Variants in MARCHF1 observed in about 807,000 individuals in gnomAD.
MARCHF1 encodes the protein E3 ubiquitin-protein ligase MARCHF1.
Under a neutral mutation model 54.2 loss-of-function variants are expected in MARCHF1, and 40 were observed. The observed-to-expected ratio is 0.74, with a 90% CI of 0.57 to 0.96. The LOEUF (loss-of-function observed/expected upper bound fraction) is 0.96, where lower values mean the gene tolerates loss of function less well. Ranked by LOEUF, MARCHF1 falls within the 40% of genes least tolerant of loss-of-function variation. MARCHF1 has a pLI of 0.00. For missense variants in MARCHF1, 586 were observed against 656.5 expected (o/e 0.89, Z 1.17); for synonymous variants, 236 against 236.3 (o/e 1.00, Z 0.01).
At chr4:163,719,553 G>A (rs1395878690) in intron 4 of MARCHF1, among the ~76,000 whole-genome samples, 3 of 152,100 alleles carry the variant, frequency 2.0e-5, no homozygotes, top group Admixed American at 6.5e-5. Context: ...CGCAGTAATG[G>A]GATGGCTGGG....
chr4:163,547,083 C>T (rs1379577707), intron 8 of MARCHF1, among the ~76,000 whole-genome samples: 1 of 152,196 alleles, frequency 6.6e-6, no homozygotes, highest in African/African-American at 2.4e-5. Context: ...CCTTCCCCAC[C>T]TGACCATCCC....
At chr4:163,732,963 C>T (rs1745889801) in intron 4 of MARCHF1, among the ~76,000 whole-genome samples, 1 of 151,186 alleles carries the variant, frequency 6.6e-6, no homozygotes, top group Non-Finnish European at 1.5e-5. Context: ...ACCAGCCTGG[C>T]CAACATGGTG....
At chr4:164,325,203 C>A (rs746371001) in intron 1 of MARCHF1, among the ~76,000 whole-genome samples, 1 of 151,368 alleles carries the variant, frequency 6.6e-6, no homozygotes, top group Non-Finnish European at 1.5e-5. Context: ...ATGAAAGATG[C>A]AGGTAATAAT....
chr4:163,792,652 A>T (rs1747802488), intron 4 of MARCHF1, among the ~76,000 whole-genome samples: 1 of 152,202 alleles, frequency 6.6e-6, no homozygotes, highest in African/African-American at 2.4e-5. Flanking sequence ...ATTTTAACTG[A>T]AGAGTAAAAC....
chr4:163,603,899 T>C (rs1459544135), intron 7 of MARCHF1, among the ~76,000 whole-genome samples: 1 of 152,112 alleles, frequency 6.6e-6, no homozygotes, highest in Non-Finnish European at 1.5e-5. Context: ...GCTCTCTGTT[T>C]GACTCAAGGG....
At chr4:163,550,517 T>A (rs1168370855) in intron 8 of MARCHF1, among the ~76,000 whole-genome samples, 1 of 151,680 alleles carries the variant, frequency 6.6e-6, no homozygotes, top group East Asian at 1.9e-4. Context: ...CTTTTTTTTT[T>A]TTTTTTTGGT....
chr4:163,776,945 C>CTTTG (rs1488530081), intron 4 of MARCHF1, among the ~76,000 whole-genome samples: 1 of 152,054 alleles, frequency 6.6e-6, no homozygotes, highest in Non-Finnish European at 1.5e-5. Flanking sequence ...GATACAATGC[C>CTTTG]TTTGTACTCC....
At chr4:163,867,065 T>G (rs1750068288) in intron 3 of MARCHF1, among the ~76,000 whole-genome samples, 5 of 151,750 alleles carry the variant, frequency 3.3e-5, no homozygotes, top group Admixed American at 3.3e-4. Context: ...TGCCTGGAGA[T>G]TAGGGTGATA....
In MARCHF1 at chr4:164,096,109, T is replaced by G. The variant is rs190677385; in HGVS notation, c.-248+15479A>C. ...TAAATCATTCTACCTAAAAGACACA[T>G]GCACTCATATGTTCACTGCAGCACT... On this transcript the variant is annotated intron_variant, in intron 2 of 9. Coordinates refer to ENST00000514618, the MANE Select transcript of MARCHF1 (RefSeq NM_001394959.1). 2.0e-5 allele frequency among the ~76,000 whole-genome samples: 3 copies of G among 152,310 alleles called. No homozygotes were observed. In the East Asian group the frequency reaches 5.8e-4, roughly 29 times the overall value.
intron 5 of MARCHF1, among the ~76,000 whole-genome samples, chr4:163,681,544 G>A (rs1054102227): frequency 1.3e-5 from 2 of 152,088 alleles, no homozygotes; most frequent in Middle Eastern, 3.2e-3. Flanking sequence ...TGAATTATGG[G>A]GGGTGGTTAC....
intron 1 of MARCHF1, among the ~76,000 whole-genome samples, chr4:164,229,363 C>G (rs990272885): frequency 1.3e-5 from 2 of 152,180 alleles, no homozygotes; most frequent in Non-Finnish European, 2.9e-5. Context: ...TAACTGCCCT[C>G]TCATAAGCAA....
At chr4:163,732,749 A>G (rs975210779) in intron 4 of MARCHF1, among the ~76,000 whole-genome samples, 1 of 152,202 alleles carries the variant, frequency 6.6e-6, no homozygotes, top group African/African-American at 2.4e-5. Flanking sequence ...GAATCTTTCA[A>G]CTATACTTTT....
In MARCHF1 at chr4:164,277,159, T is replaced by C. The variant is rs1234864432; in HGVS notation, c.-323+106711A>G. 3.3e-5 allele frequency among the ~76,000 whole-genome samples: 3 copies of C among 91,266 alleles called. No individual in the cohort carries two copies. In the East Asian group the frequency reaches 9.0e-4, roughly 27 times the overall value. 59.9% of individuals were successfully genotyped at this position (91,266 alleles called of 152,430 possible). A position where few individuals can be genotyped will look rare whatever the true frequency, so the allele number is the denominator to read the frequency against. On this transcript the variant is annotated intron_variant, in intron 1 of 9. Coordinates refer to ENST00000514618, the MANE Select transcript of MARCHF1 (RefSeq NM_001394959.1). ...GATTCTTGCTTAGAAGTCACTCCTCTGTGGACCTCCTCTGACATATTAAAA... is the reference window on the plus strand; with the variant it reads ...GATTCTTGCTTAGAAGTCACTCCTCCGTGGACCTCCTCTGACATATTAAAA...
At chr4:164,104,710 C>G (rs1755652542) in intron 2 of MARCHF1, among the ~76,000 whole-genome samples, 1 of 13,256 alleles carries the variant, frequency 7.5e-5, no homozygotes, top group African/African-American at 1.6e-4. Context: ...TGGCACAAGA[C>G]AGGGATGCCC....
intron 4 of MARCHF1, among the ~76,000 whole-genome samples, chr4:163,725,894 G>C (rs1745637899): frequency 6.6e-6 from 1 of 152,130 alleles, no homozygotes; most frequent in Admixed American, 6.5e-5. Flanking sequence ...AAACAACTAT[G>C]CTTAGGATGA....
chr4:163,953,344 C>T (rs543174292), intron 3 of MARCHF1, among the ~76,000 whole-genome samples: 88 of 152,156 alleles, frequency 5.8e-4, no homozygotes, highest in Non-Finnish European at 1.2e-3. Flanking sequence ...TTTGAAAAGT[C>T]ATTTAAGGCT....
chr4:164,216,357 T>C (rs930719115), intron 1 of MARCHF1, among the ~76,000 whole-genome samples: 10 of 152,316 alleles, frequency 6.6e-5, no homozygotes, highest in African/African-American at 2.4e-4. Context: ...ATTCTAAATG[T>C]CTTGGAAAAT....
intron 1 of MARCHF1, among the ~76,000 whole-genome samples, chr4:164,139,105 G>A (rs13110358): frequency 0.18 from 27,399 of 152,052 alleles, 3,036 homozygotes; most frequent in Non-Finnish European, 0.26. Flanking sequence ...AAGTTTTGTG[G>A]TAAGATGAGT....
At chr4:164,122,267 C>T (rs1001053176) in intron 1 of MARCHF1, among the ~76,000 whole-genome samples, 3 of 152,070 alleles carry the variant, frequency 2.0e-5, no homozygotes, top group East Asian at 1.9e-4. Context: ...AGTGAGGATA[C>T]GGAAGTCCTC....
Sources: gnomAD v4.1 joint callset for allele counts (sites outside exome capture counted in the v4.1 genomes callset) on GRCh38, gnomAD v4.1.1 for gene constraint, MANE v1.5 for transcripts, NCBI Gene and HGNC (gene_info 2026-07-23, HGNC 2026-07-21) for gene names.